TRERF1: variants seen among roughly 807,000 people sequenced by gnomAD.
TRERF1 encodes the protein transcriptional regulating factor 1.
In TRERF1, 27 loss-of-function variants were observed where a neutral mutation model predicts 122.9. The ratio of observed to expected loss-of-function variants is 0.22; its 90% CI spans 0.16 to 0.30. TRERF1 has a LOEUF of 0.30. Among genes scored for constraint, TRERF1 ranks in the 10% least tolerant of loss-of-function variants. The pLI is 1.00. For synonymous variants in TRERF1, 636 were observed against 641.7 expected, an observed-to-expected ratio of 0.99 and a Z score of 0.13; for missense variants, 1,248 against 1,560.3, an observed-to-expected ratio of 0.80 and a Z score of 3.37.
At chr6:42,387,638 C>G (rs573983415) in intron 2 of TRERF1, among the ~76,000 whole-genome samples, 15 of 152,240 alleles carry the variant, frequency 9.9e-5, no homozygotes, top group African/African-American at 3.4e-4. Context: ...CAACGCCTCC[C>G]CAGTGCTGAA....
chr6:42,293,499 T>C (rs752115383), intron 4 of TRERF1, among the ~76,000 whole-genome samples: 8 of 152,126 alleles, frequency 5.3e-5, no homozygotes, highest in Non-Finnish European at 7.4e-5. Context: ...ATCACTGAAG[T>C]GCAAAGAAAC....
intron 3 of TRERF1, among the ~76,000 whole-genome samples, chr6:42,336,410 T>C (rs1344274395): frequency 6.6e-6 from 1 of 152,090 alleles, no homozygotes; most frequent in Non-Finnish European, 1.5e-5. Context: ...TGCTCCACCT[T>C]TACAGCCTCT....
intron 4 of TRERF1, among the ~76,000 whole-genome samples, chr6:42,271,560 G>T (rs1569881): frequency 6.6e-6 from 1 of 151,816 alleles, no homozygotes; most frequent in Non-Finnish European, 1.5e-5. Flanking sequence ...TGTATATGTC[G>T]TATGTCAATT....
intron 2 of TRERF1, among the ~76,000 whole-genome samples, chr6:42,412,499 T>C (rs1781260068): frequency 6.6e-6 from 1 of 152,208 alleles, no homozygotes; most frequent in Non-Finnish European, 1.5e-5. Context: ...GAGTTTGGTG[T>C]GCATGAATAC....
At chr6:42,364,449 G>A (rs1040091158) in intron 2 of TRERF1, among the ~76,000 whole-genome samples, 31 of 152,170 alleles carry the variant, frequency 2.0e-4, no homozygotes, top group African/African-American at 7.5e-4. Flanking sequence ...CTGAGAGCAG[G>A]GACATCGTAT....
chr6:42,425,529 A>ATTTTTT (rs150820164), intron 2 of TRERF1, among the ~76,000 whole-genome samples: 3 of 44,050 alleles, frequency 6.8e-5, no homozygotes, highest in African/African-American at 2.9e-4. Flanking sequence ...CCCCCTGGGC[A>ATTTTTT]TTTTTTTTTT....
chr6:42,369,931 A>G (rs1323723728), intron 2 of TRERF1, among the ~76,000 whole-genome samples: 1 of 152,112 alleles, frequency 6.6e-6, no homozygotes, highest in African/African-American at 2.4e-5. Context: ...ACCACAAACT[A>G]CTTCCCAGTC....
chr6:42,388,855 A>AAAAAC (rs933550564), intron 2 of TRERF1, among the ~76,000 whole-genome samples: 1 of 152,324 alleles, frequency 6.6e-6, no homozygotes, highest in Admixed American at 6.5e-5. Flanking sequence ...GATTAGAGAA[A>AAAAAC]AAAACAAAAC....
chr6:42,399,348 A>G (rs550669210), intron 2 of TRERF1, among the ~76,000 whole-genome samples: 6 of 152,316 alleles, frequency 3.9e-5, no homozygotes, highest in South Asian at 4.1e-4. Context: ...TAAAATGATC[A>G]AAGAGAAAGT....
intron 2 of TRERF1, among the ~76,000 whole-genome samples, chr6:42,404,663 C>T (rs1779912246): frequency 6.6e-6 from 1 of 152,092 alleles, no homozygotes; most frequent in Non-Finnish European, 1.5e-5. Flanking sequence ...CCTCTCACCC[C>T]AGCAGGATAC....
intron 3 of TRERF1, among the ~76,000 whole-genome samples, chr6:42,350,398 T>G (rs893475925): frequency 6.6e-6 from 1 of 152,204 alleles, no homozygotes; most frequent in Non-Finnish European, 1.5e-5. Flanking sequence ...CTTTATAAGC[T>G]CTAACACGAA....
intron 2 of TRERF1, among the ~76,000 whole-genome samples, chr6:42,403,135 G>T (rs1037071827): frequency 2.0e-5 from 3 of 152,118 alleles, no homozygotes; most frequent in Non-Finnish European, 4.4e-5. Flanking sequence ...GCAAACCTCA[G>T]CTGGGGTAGA....
At position 42,419,978 on chromosome 6, in the gene TRERF1, C is replaced by T. The variant is rs77297104; in HGVS notation, c.-454+31199G>A. Among the ~76,000 whole-genome samples, 2,353 of 152,312 alleles carry T rather than the reference C, an allele frequency of 0.015. 86 individuals carry two copies. The East Asian group carries it at 0.16, about 10-fold the overall frequency. ...CACTAAATCACACTCCCTTCACCTC[C>T]ATTTTGGAATTCCTCAATGAAATTA... On this transcript the variant is annotated intron_variant, in intron 2 of 17. Coordinates refer to ENST00000372922, the Ensembl canonical transcript of TRERF1.
At chr6:42,333,223 T>C (rs1765537217) in intron 3 of TRERF1, among the ~76,000 whole-genome samples, 1 of 152,240 alleles carries the variant, frequency 6.6e-6, no homozygotes, top group Admixed American at 6.5e-5. Context: ...AATGAAAATG[T>C]ATCTCAATTT....
chr6:42,375,268 T>A (rs113635598), intron 2 of TRERF1, among the ~76,000 whole-genome samples: 3,487 of 152,222 alleles, frequency 0.023, 139 homozygotes, highest in African/African-American at 0.08. Flanking sequence ...TGGCTGAAGA[T>A]GCAAGCCCGA....
chr6:42,370,916 G>A (rs1216740553), intron 2 of TRERF1, among the ~76,000 whole-genome samples: 2 of 152,158 alleles, frequency 1.3e-5, no homozygotes, highest in Non-Finnish European at 1.5e-5. Flanking sequence ...GGTTTTCGCT[G>A]TTTTCCTCTA....
chr6:42,392,921 T>TACAC (rs1407835106), intron 2 of TRERF1, among the ~76,000 whole-genome samples: 4 of 43,030 alleles, frequency 9.3e-5, no homozygotes, highest in South Asian at 2.6e-3. Flanking sequence ...CACACACACA[T>TACAC]ACACACACAT....
intron 2 of TRERF1, among the ~76,000 whole-genome samples, chr6:42,368,390 C>T (rs1773150238): frequency 6.6e-6 from 1 of 151,996 alleles, no homozygotes; most frequent in Admixed American, 6.5e-5. Context: ...GTGGTTTCCT[C>T]GCCCCCCCAA....
At chr6:42,316,168 T>C (rs1762465659) in intron 3 of TRERF1, among the ~76,000 whole-genome samples, 1 of 152,148 alleles carries the variant, frequency 6.6e-6, no homozygotes, top group Admixed American at 6.5e-5. Flanking sequence ...TCTGGGGAAG[T>C]GGCTGTGATG....
Sources: allele counts gnomAD v4.1 joint callset (sites outside exome capture counted in the v4.1 genomes callset), GRCh38; gene constraint gnomAD v4.1.1; transcripts MANE v1.5; gene names NCBI Gene and HGNC (gene_info 2026-07-23, HGNC 2026-07-21).